GPM6B: variants seen among roughly 807,000 people sequenced by gnomAD.
The protein encoded by GPM6B is neuronal membrane glycoprotein M6-b.
A neutral mutation model predicts 27.2 loss-of-function variants in GPM6B; 4 were observed. The observed-to-expected ratio is 0.15, with a 90% CI of 0.07 to 0.34. The LOEUF (loss-of-function observed/expected upper bound fraction) is 0.34, where lower values mean the gene tolerates loss of function less well. Among genes scored for constraint, GPM6B ranks in the 10% least tolerant of loss-of-function variants. The pLI is 1.00. For missense variants in GPM6B, 183 were observed against 261.9 expected, an observed-to-expected ratio of 0.70 and a Z score of 2.08; for synonymous variants, 124 against 103.1, an observed-to-expected ratio of 1.20 and a Z score of -1.23.
At chrX:13,832,005 T>G (rs139297336) in intron 1 of GPM6B, among the ~76,000 whole-genome samples, 3 of 111,893 alleles carry the variant, frequency 2.7e-5, no homozygotes, top group Non-Finnish European at 5.6e-5. Context: ...AGTTTTAAGA[T>G]TGGTTAAGAT....
upstream of GPM6B, among the ~76,000 whole-genome samples, chrX:13,819,605 ATGTT>A (rs2049285579): frequency 8.9e-6 from 1 of 112,281 alleles, no homozygotes; most frequent in Non-Finnish European, 1.9e-5. Flanking sequence ...TTTGACTTAT[ATGTT>A]TGTAAGTCTT....
At chrX:13,828,417 A>G (rs998486970) in intron 1 of GPM6B, among the ~76,000 whole-genome samples, 1 of 111,370 alleles carries the variant, frequency 9.0e-6, no homozygotes, top group East Asian at 2.8e-4. Context: ...GACTGTCCCC[A>G]TCAGCAAGAA....
At chrX:13,915,408 T>TTC (rs1337921271) in intron 1 of GPM6B, among the ~76,000 whole-genome samples, 2 of 110,912 alleles carry the variant, frequency 1.8e-5, no homozygotes, top group Admixed American at 9.6e-5. Context: ...GCATTCTCCA[T>TTC]TCTCTCTCTC....
chrX:13,842,949 AT>A (rs2049597260), intron 1 of GPM6B, among the ~76,000 whole-genome samples: 1 of 111,391 alleles, frequency 9.0e-6, no homozygotes, highest in African/African-American at 3.3e-5. Flanking sequence ...ATACCATACA[AT>A]TCACCATTTT....
chrX:13,820,142 T>C (rs1309806003), upstream of GPM6B, among the ~76,000 whole-genome samples: 1 of 111,440 alleles, frequency 9.0e-6, no homozygotes, highest in Non-Finnish European at 1.9e-5. Context: ...ACAAAGGTCA[T>C]TCTATTGGTA....
At position 13,850,038 on chromosome X, in the gene GPM6B, G is replaced by A. The variant is rs2049697165; in HGVS notation, c.-197-64230C>T. Among the ~76,000 whole-genome samples, 4 of 111,852 alleles carry A rather than the reference G, an allele frequency of 3.6e-5. No individual in the cohort carries two copies. The South Asian group carries it at 1.5e-3, about 42-fold the overall frequency. On this transcript the variant is annotated intron_variant, in intron 1 of 6. Coordinates refer to the GPM6B transcript ENST00000398361. ...GGCATCACTGCGCTCCAGCCTGGGT[G>A]ACAGAGCAAGACTCTGTCTCAAAAA...
intron 2 of GPM6B, among the ~76,000 whole-genome samples, chrX:13,787,917 G>GAACCA (rs2048643540): frequency 8.9e-6 from 1 of 112,353 alleles, no homozygotes; most frequent in African/African-American, 3.2e-5. Flanking sequence ...GGTTCTTAAA[G>GAACCA]GATAAAGATG....
intron 2 of GPM6B, among the ~76,000 whole-genome samples, chrX:13,788,651 G>A (rs963003188): frequency 1.0e-4 from 11 of 109,869 alleles, no homozygotes; most frequent in Admixed American, 2.0e-4. Flanking sequence ...GCCCTTTAAC[G>A]ATAGAACTCA....
intron 1 of GPM6B, among the ~76,000 whole-genome samples, chrX:13,918,145 C>T (rs759262262): frequency 1.3e-3 from 143 of 112,819 alleles, no homozygotes; most frequent in Non-Finnish European, 1.9e-3. Context: ...TTGCTTATAA[C>T]CCTTATAATT....
intron 1 of GPM6B, among the ~76,000 whole-genome samples, chrX:13,836,495 G>A (rs1366842718): frequency 8.9e-6 from 1 of 112,331 alleles, no homozygotes; most frequent in Non-Finnish European, 1.9e-5. Flanking sequence ...TTTTTACAGT[G>A]CAAAGATTTG....
intron 2 of GPM6B, among the ~76,000 whole-genome samples, chrX:13,798,050 T>C (rs2147157169): frequency 9.0e-6 from 1 of 110,612 alleles, no homozygotes; most frequent in African/African-American, 3.3e-5. Context: ...CTCATGGTGC[T>C]GCTTTCATGA....
intron 1 of GPM6B, among the ~76,000 whole-genome samples, chrX:13,832,707 T>C (rs2049452091): frequency 8.9e-6 from 1 of 111,992 alleles, no homozygotes; most frequent in Admixed American, 9.6e-5. Flanking sequence ...GGATGGAAAT[T>C]AGAAGTAGGA....
At chrX:13,920,975 A>C (rs1444685357) in intron 1 of GPM6B, among the ~76,000 whole-genome samples, 2 of 112,045 alleles carry the variant, frequency 1.8e-5, no homozygotes, top group Non-Finnish European at 3.8e-5. Context: ...TTACATGAAT[A>C]TTTGAGAGTT....
chrX:13,794,018 A>G (rs549804997), intron 2 of GPM6B, among the ~76,000 whole-genome samples: 2 of 112,124 alleles, frequency 1.8e-5, no homozygotes, highest in South Asian at 7.4e-4. Context: ...GTCTATAAAT[A>G]AAGTTGTATT....
At chrX:13,916,874 C>T (rs2050435198) in intron 1 of GPM6B, among the ~76,000 whole-genome samples, 1 of 110,990 alleles carries the variant, frequency 9.0e-6, no homozygotes, top group Admixed American at 9.6e-5. Context: ...TAATATGCCC[C>T]ATATCACACC....
At chrX:13,864,957 T>C (rs1361055775) in intron 1 of GPM6B, among the ~76,000 whole-genome samples, 1 of 111,954 alleles carries the variant, frequency 8.9e-6, no homozygotes, top group Non-Finnish European at 1.9e-5. Context: ...AGTGAGAAAT[T>C]AGCAACAATA....
rs201074216 is a variant in GPM6B, at chrX:13,882,680, C to CA, written c.-198+55646dup. On this transcript the variant is annotated intron_variant, in intron 1 of 6. Transcript: ENST00000398361. Reference sequence around the variant, plus strand: ...GGGTGACAGAGCAAGACCCTGTCACCAAAAAAAAAAAGAATGAGATATAAG... The same window carrying CA: ...GGGTGACAGAGCAAGACCCTGTCACCAAAAAAAAAAAAGAATGAGATATAAG... Among the ~76,000 whole-genome samples the CA allele has an allele frequency of 6.8e-3, 9 of 1,324 alleles. 4 individuals are homozygous for CA. The highest frequency in any genetic ancestry group is 8.1e-3 in the Non-Finnish European group (9 of 1,106). The allele number at this position is 1,324 out of a possible 115,157, so 1.1% of individuals were successfully genotyped here. A position where few individuals can be genotyped will look rare whatever the true frequency, so the allele number is the denominator to read the frequency against.
chrX:13,934,391 T>C (rs754441552), intron 1 of GPM6B, among the ~76,000 whole-genome samples: 1 of 111,907 alleles, frequency 8.9e-6, no homozygotes, highest in Admixed American at 9.5e-5. Flanking sequence ...GAACCAAGCA[T>C]TGCATGTATG....
chrX:13,779,578 C>T (rs1012843956), intron 5 of GPM6B, among the ~76,000 whole-genome samples: 5 of 111,802 alleles, frequency 4.5e-5, no homozygotes, highest in African/African-American at 1.3e-4. Context: ...AGAAAAGCTT[C>T]TTTCACTACA....
Sources: allele counts gnomAD v4.1 joint callset (sites outside exome capture counted in the v4.1 genomes callset), GRCh38; gene constraint gnomAD v4.1.1; transcripts MANE v1.5; gene names NCBI Gene and HGNC (gene_info 2026-07-23, HGNC 2026-07-21).